RBFOX1: variants seen among roughly 807,000 people sequenced by gnomAD.
RBFOX1 encodes the protein RNA binding protein fox-1 homolog 1.
RBFOX1 carries 8 observed loss-of-function variants against 57.7 expected under a neutral mutation model. That is an observed-to-expected ratio of 0.14 (90% CI 0.08 to 0.25). The LOEUF (loss-of-function observed/expected upper bound fraction) is 0.25. RBFOX1 is among the 10% of genes least tolerant of loss of function. The pLI, the probability that RBFOX1 is intolerant of heterozygous loss-of-function variation, is 1.00. For synonymous variants in RBFOX1, 326 were observed against 222.4 expected (o/e 1.47, Z -4.15); for missense variants, 611 against 548.5 (o/e 1.11, Z -1.14).
chr16:5,954,075 G>A (rs780965475), intron 4 of RBFOX1, among the ~76,000 whole-genome samples: 2 of 152,186 alleles, frequency 1.3e-5, no homozygotes, highest in East Asian at 1.9e-4. Context: ...CTATGCTACA[G>A]TGCACAGGAC....
intron 14 of RBFOX1, among the ~76,000 whole-genome samples, chr16:7,678,244 C>CA (rs2073895008): frequency 6.6e-6 from 1 of 152,126 alleles, no homozygotes; most frequent in African/African-American, 2.4e-5. Flanking sequence ...ACCGAGTAAT[C>CA]AGTTGCCAAG....
chr16:5,394,565 C>CTTT (rs35758196), intron 1 of RBFOX1, among the ~76,000 whole-genome samples: 17 of 134,260 alleles, frequency 1.3e-4, no homozygotes, highest in African/African-American at 4.5e-4. Context: ...TTCTTTCTGT[C>CTTT]TTTTTTTTTT....
At chr16:7,579,363 G>A (rs1359821966) in intron 5 of RBFOX1, among the ~76,000 whole-genome samples, 3 of 152,094 alleles carry the variant, frequency 2.0e-5, no homozygotes, top group South Asian at 2.1e-4. Flanking sequence ...ACACTGTCCT[G>A]CCTTTAAAGA....
chr16:6,841,948 C>G (rs1300529851), intron 3 of RBFOX1, among the ~76,000 whole-genome samples: 2 of 150,426 alleles, frequency 1.3e-5, no homozygotes, highest in Non-Finnish European at 2.9e-5. Context: ...ACCATCCTGG[C>G]TAATACGGTG....
At chr16:6,887,895 C>T (rs547608066) in intron 3 of RBFOX1, among the ~76,000 whole-genome samples, 5 of 152,108 alleles carry the variant, frequency 3.3e-5, no homozygotes, top group Non-Finnish European at 5.9e-5. Context: ...CTCCAGACTT[C>T]AAGTGATCCA....
intron 2 of RBFOX1, among the ~76,000 whole-genome samples, chr16:6,641,032 A>C (rs2098483402): frequency 6.6e-6 from 1 of 152,198 alleles, no homozygotes; most frequent in African/African-American, 2.4e-5. Context: ...TGATGGGCGT[A>C]AACTCACCGT....
chr16:7,612,705 A>G (rs12923795), intron 10 of RBFOX1, among the ~76,000 whole-genome samples: 1 of 151,920 alleles, frequency 6.6e-6, no homozygotes, highest in Non-Finnish European at 1.5e-5. Context: ...TTTAATCTTC[A>G]TGAATAAGTA....
At chr16:7,260,106 A>G (rs2094858498) in intron 4 of RBFOX1, among the ~76,000 whole-genome samples, 1 of 152,190 alleles carries the variant, frequency 6.6e-6, no homozygotes, top group Non-Finnish European at 1.5e-5. Flanking sequence ...TATTGTGTAT[A>G]TGGATCCTTA....
chr16:7,069,631 C>G (rs1368296193), intron 4 of RBFOX1, among the ~76,000 whole-genome samples: 1 of 152,126 alleles, frequency 6.6e-6, no homozygotes, highest in African/African-American at 2.4e-5. Flanking sequence ...ATTAACAACC[C>G]TGGAAAAAGC....
At chr16:7,612,290 C>T (rs1208755082) in intron 10 of RBFOX1, among the ~76,000 whole-genome samples, 1 of 129,724 alleles carries the variant, frequency 7.7e-6, no homozygotes, top group African/African-American at 3.0e-5. Flanking sequence ...CACTGCACTC[C>T]AGCCTGGGTA....
intron 4 of RBFOX1, among the ~76,000 whole-genome samples, chr16:7,384,271 A>G (rs2097841310): frequency 2.6e-5 from 4 of 152,100 alleles, no homozygotes; most frequent in Admixed American, 2.6e-4. Flanking sequence ...TATGAAATAT[A>G]TATGTATGAA....
At chr16:7,083,859 C>G (rs577477325) in intron 4 of RBFOX1, among the ~76,000 whole-genome samples, 1 of 152,258 alleles carries the variant, frequency 6.6e-6, no homozygotes, top group African/African-American at 2.4e-5. Context: ...CCTTGGTTCT[C>G]TACCATCCTG....
At chr16:6,189,666 T>G (rs1946130) in intron 1 of RBFOX1, among the ~76,000 whole-genome samples, 146,696 of 152,208 alleles carry the variant, frequency 0.96, 70,937 homozygotes, top group East Asian at 1. Flanking sequence ...TTATTTGGAG[T>G]CTTAATTCAC....
At chr16:6,839,183 C>G (rs976095167) in intron 3 of RBFOX1, among the ~76,000 whole-genome samples, 25 of 147,604 alleles carry the variant, frequency 1.7e-4, no homozygotes, top group African/African-American at 6.1e-4. Context: ...CAGGGTTTCA[C>G]CATGTTGGCC....
downstream of RBFOX1, among the ~76,000 whole-genome samples, chr16:5,600,486 C>CA (rs34621437): frequency 0.079 from 7,108 of 89,762 alleles, 479 homozygotes; most frequent in African/African-American, 0.19. Context: ...GAGCCTGTCT[C>CA]AAAAAAAAAA....
intron 2 of RBFOX1, among the ~76,000 whole-genome samples, chr16:6,478,543 G>C (rs889484819): frequency 6.7e-6 from 1 of 148,530 alleles, no homozygotes; most frequent in African/African-American, 2.5e-5. Flanking sequence ...CAAAATGCTG[G>C]GATTACAGGC....
chr16:6,470,473 G>C (rs182456687), intron 2 of RBFOX1, among the ~76,000 whole-genome samples: 6 of 152,286 alleles, frequency 3.9e-5, no homozygotes, highest in African/African-American at 1.2e-4. Context: ...TGTTGGCTTG[G>C]ACATGAATAG....
chr16:7,575,833 C>T (rs1163582995), intron 5 of RBFOX1, among the ~76,000 whole-genome samples: 1 of 152,234 alleles, frequency 6.6e-6, no homozygotes, highest in Non-Finnish European at 1.5e-5. Context: ...TTGTGATGAT[C>T]TCTAACCCCA....
At chr16:5,852,047 G>GGC (rs1409620996) in intron 3 of RBFOX1, among the ~76,000 whole-genome samples, 1 of 152,186 alleles carries the variant, frequency 6.6e-6, no homozygotes, top group African/African-American at 2.4e-5. Flanking sequence ...CATGGGGTGT[G>GGC]ATAAGGATCA....
Sources: allele counts gnomAD v4.1 joint callset (sites outside exome capture counted in the v4.1 genomes callset), GRCh38; gene constraint gnomAD v4.1.1; transcripts MANE v1.5; gene names NCBI Gene and HGNC (gene_info 2026-07-23, HGNC 2026-07-21).